The following TMEM232 variants were observed in gnomAD, a reference collection of about 807,000 sequenced individuals.
TMEM232 encodes the protein transmembrane protein 232.
Under a neutral mutation model 78.8 loss-of-function variants are expected in TMEM232, and 80 were observed. That is an observed-to-expected ratio of 1.01 (90% CI 0.85 to 1.22). TMEM232 has a LOEUF of 1.22. TMEM232 is among the 50% of genes most tolerant of loss of function. The probability of loss-of-function intolerance (pLI) is 0.00; values close to 1 mark genes in which losing one functional copy is unlikely to be tolerated. For missense variants in TMEM232, 881 were observed against 742.2 expected (o/e 1.19, Z -2.17); for synonymous variants, 297 against 254.3 (o/e 1.17, Z -1.60).
At chr5:110,724,694 G>T (rs574624320) in intron 1 of TMEM232, among the ~76,000 whole-genome samples, 1 of 151,214 alleles carries the variant, frequency 6.6e-6, no homozygotes, top group South Asian at 2.1e-4. Context: ...CATCCTAAAA[G>T]ATAAATCAAC....
At chr5:110,693,792 T>G (rs1794428798) in intron 1 of TMEM232, among the ~76,000 whole-genome samples, 1 of 151,686 alleles carries the variant, frequency 6.6e-6, no homozygotes, top group African/African-American at 2.4e-5. Flanking sequence ...CTCCAAGAAA[T>G]ATGGGACTAT....
chr5:110,474,384 C>T (rs1763015917), intron 12 of TMEM232, among the ~76,000 whole-genome samples: 1 of 151,790 alleles, frequency 6.6e-6, no homozygotes, highest in Admixed American at 6.6e-5. Context: ...TAATGTATCC[C>T]TGTTCTGTTT....
chr5:110,593,444 A>T lies in TMEM232; in HGVS notation c.1276+11665T>A, dbSNP rs544995635. Among the ~76,000 whole-genome samples the T allele has an allele frequency of 2.0e-5, 3 of 152,342 alleles. No homozygotes were observed. The South Asian group carries it at 6.2e-4, about 32-fold the overall frequency. ...ATAAAATTATGAACTTCCTGGGGGA[A>T]AATATCAGATTTTCTTTATCCATTC... On this transcript the variant is annotated intron_variant, in intron 10 of 13. Transcript: ENST00000455884.
At chr5:110,520,234 C>A (rs1389858765) in intron 12 of TMEM232, among the ~76,000 whole-genome samples, 1 of 151,896 alleles carries the variant, frequency 6.6e-6, no homozygotes. Flanking sequence ...CTGATTTGAT[C>A]ATTACATATT....
chr5:110,692,102 T>C (rs552642172), intron 1 of TMEM232, among the ~76,000 whole-genome samples: 13 of 152,058 alleles, frequency 8.5e-5, no homozygotes, highest in Admixed American at 6.6e-5. Flanking sequence ...TTTGTATTTT[T>C]AGTAGAGACG....
In TMEM232 at chr5:110,509,552, AT is replaced by A. The variant is rs550369176; in HGVS notation, c.1703+19035del. ...TAATCTGCCTTCACGATTTCTTGGT[AT>A]TTTGATATGTGTAAATGTTTTATTA... On this transcript the variant is annotated intron_variant, in intron 12 of 13. Coordinates refer to ENST00000455884, the MANE Select transcript of TMEM232 (RefSeq NM_001039763.4). 2.1e-4 allele frequency among the ~76,000 whole-genome samples: 32 copies of A among 152,286 alleles called. No homozygotes were observed. The East Asian group carries it at 6.2e-3, about 29-fold the overall frequency.
At chr5:110,419,405 C>G (rs529816402), downstream of TMEM232, among the ~76,000 whole-genome samples, 8 of 152,254 alleles carry the variant, frequency 5.3e-5, no homozygotes, top group East Asian at 7.7e-4. Context: ...AAGAATGATA[C>G]TTAAATTCAC....
At chr5:110,636,031 T>C (rs1393210808) in intron 5 of TMEM232, among the ~76,000 whole-genome samples, 1 of 151,868 alleles carries the variant, frequency 6.6e-6, no homozygotes, top group African/African-American at 2.4e-5. Flanking sequence ...CATTAATGGG[T>C]GATTAGATAA....
intron 2 of TMEM232, among the ~76,000 whole-genome samples, chr5:110,660,960 C>T (rs948501976): frequency 5.9e-5 from 9 of 152,016 alleles, no homozygotes; most frequent in Admixed American, 5.2e-4. Flanking sequence ...GTATGTTGTC[C>T]CCATTAACCA....
intron 12 of TMEM232, among the ~76,000 whole-genome samples, chr5:110,454,218 C>G (rs922759483): frequency 6.6e-6 from 1 of 152,120 alleles, no homozygotes; most frequent in Admixed American, 6.5e-5. Flanking sequence ...TTCAAGTACA[C>G]ATAAAATATC....
chr5:110,428,514 C>A (rs891101112), intron 12 of TMEM232, among the ~76,000 whole-genome samples: 6 of 151,678 alleles, frequency 4.0e-5, no homozygotes, highest in African/African-American at 1.5e-4. Context: ...TGTGGGAGGT[C>A]TAGGAGCCTA....
intron 10 of TMEM232, among the ~76,000 whole-genome samples, chr5:110,591,619 C>G (rs1779544689): frequency 1.3e-5 from 2 of 152,106 alleles, no homozygotes; most frequent in Non-Finnish European, 2.9e-5. Flanking sequence ...AGTTTTTTCT[C>G]ACCCAAAGTC....
intron 1 of TMEM232, among the ~76,000 whole-genome samples, chr5:110,685,912 G>C (rs1376886128): frequency 6.6e-6 from 1 of 152,082 alleles, no homozygotes; most frequent in African/African-American, 2.4e-5. Context: ...CATACTATGT[G>C]ATTTCATATA....
chr5:110,435,219 C>T (rs1193891358), intron 12 of TMEM232, among the ~76,000 whole-genome samples: 4 of 151,810 alleles, frequency 2.6e-5, no homozygotes. Flanking sequence ...TAAACAACTT[C>T]AGGAAAGTCT....
chr5:110,719,361 T>G (rs1175809818), intron 1 of TMEM232, among the ~76,000 whole-genome samples: 4 of 152,054 alleles, frequency 2.6e-5, no homozygotes, highest in Non-Finnish European at 5.9e-5. Flanking sequence ...TTTGAGACAT[T>G]CTGTTCATAT....
chr5:110,543,398 T>C (rs1554104217), intron 11 of TMEM232, among the ~76,000 whole-genome samples: 2 of 152,188 alleles, frequency 1.3e-5, no homozygotes, highest in Non-Finnish European at 2.9e-5. Context: ...ATGTATACTT[T>C]CCTTATTTAC....
At chr5:110,498,182 T>G (rs1311954556) in intron 12 of TMEM232, among the ~76,000 whole-genome samples, 1 of 152,164 alleles carries the variant, frequency 6.6e-6, no homozygotes, top group African/African-American at 2.4e-5. Flanking sequence ...TAAAATGAAC[T>G]TTGTATTAAA....
chr5:110,519,209 T>C (rs991091883), intron 12 of TMEM232, among the ~76,000 whole-genome samples: 1 of 152,134 alleles, frequency 6.6e-6, no homozygotes, highest in Non-Finnish European at 1.5e-5. Flanking sequence ...ATATTCAGGA[T>C]TGATATTCTA....
intron 2 of TMEM232, among the ~76,000 whole-genome samples, chr5:110,643,977 C>T (rs1787101031): frequency 6.6e-6 from 1 of 151,912 alleles, no homozygotes; most frequent in African/African-American, 2.4e-5. Flanking sequence ...AATTCATTTA[C>T]TAAGAATTTA....
Sources: allele counts gnomAD v4.1 joint callset (sites outside exome capture counted in the v4.1 genomes callset), GRCh38; gene constraint gnomAD v4.1.1; transcripts MANE v1.5; gene names NCBI Gene and HGNC (gene_info 2026-07-23, HGNC 2026-07-21).